Variants in PLEC observed in about 807,000 individuals in gnomAD.
The protein encoded by PLEC is plectin.
PLEC carries 216 observed loss-of-function variants against 392.8 expected under a neutral mutation model. The observed-to-expected ratio is 0.55, with a 90% CI of 0.49 to 0.62. PLEC has a LOEUF of 0.62. PLEC is among the 20% of genes least tolerant of loss of function. The probability of loss-of-function intolerance (pLI) is 0.00; values close to 1 mark genes in which losing one functional copy is unlikely to be tolerated. For missense variants in PLEC, 6,863 were observed against 6,563.4 expected, an observed-to-expected ratio of 1.05 and a Z score of -1.58; for synonymous variants, 3,621 against 2,980.6, an observed-to-expected ratio of 1.21 and a Z score of -7.00.
Position 143,921,270 on chromosome 8 carries a change from T to C in PLEC, c.8551A>G (p.Lys2851Glu), listed in dbSNP as rs1554684800. 6.2e-7 allele frequency: 1 copy of C among 1,614,034 alleles called. No homozygotes were observed. The highest frequency in any genetic ancestry group is 1.1e-5 in the South Asian group (1 of 91,076). Residue 2851 changes from lysine (K) to glutamate (E), a missense_variant, in exon 32 of 32, where the codon AAG becomes GAG. Transcript: ENST00000345136. Reference protein sequence around the residue: ...RVLADPSDDTKGFFDPNTHEN... With the variant: ...RVLADPSDDTEGFFDPNTHEN... ...TGCGTGTTGGGGTCAAAGAAGCCCT[T>C]GGTGTCGTCGCTGGGGTCCGCCAGG...
chr8:143,972,906 AGAGAAGG>A (rs1833502307), intron 1 of PLEC, among the ~76,000 whole-genome samples: 1 of 152,194 alleles, frequency 6.6e-6, no homozygotes, highest in African/African-American at 2.4e-5. Context: ...CCTAGTGAAC[AGAGAAGG>A]GGTGTGGGGG....
Position 143,933,362 on chromosome 8 carries a change from G to T in PLEC, c.1264-11C>A. 1 of 1,609,026 alleles carries T rather than the reference G, an allele frequency of 6.2e-7. No individual in the cohort carries two copies. ...CAGCAGCCGGACATCCTGCAAGGTC[G>T]TTGCCATGACTCGGAGCACAGCTGA... On this transcript the variant is annotated splice_polypyrimidine_tract_variant and intron_variant, in intron 12 of 31. Coordinates refer to ENST00000345136, the MANE Select transcript of PLEC (RefSeq NM_201384.3).
rs782281167 is a variant in PLEC at position 143,930,263 on chromosome 8, C to A, written c.2493G>T (p.Val831=). Residue 831 remains valine (V), a synonymous_variant, in exon 21 of 32, where the codon GTG becomes GTT. Coordinates refer to ENST00000345136, the MANE Select transcript of PLEC (RefSeq NM_201384.3). The part of the protein sequence containing the change: ...TVHKGDECQL[V]GPAQPSHWKV... ...TCCAGTGGGACGGCTGTGCAGGGCCCACCAGCTGGCACTCGTCACCCTTGT... is the reference window on the plus strand; with the variant it reads ...TCCAGTGGGACGGCTGTGCAGGGCCAACCAGCTGGCACTCGTCACCCTTGT... 2.5e-6 allele frequency: 4 copies of A among 1,601,816 alleles called. No homozygotes were observed. The Admixed American group carries it at 6.7e-5, about 27-fold the overall frequency.
In PLEC at chr8:143,924,562, C is replaced by A; in HGVS notation, c.5367G>T (p.Leu1789=). The A allele has an allele frequency of 1.3e-6, 2 of 1,548,192 alleles. No homozygotes were observed. Among genetic ancestry groups the A allele is most frequent in the African/African-American group, 2.7e-5 (2 of 73,332 alleles). Residue 1789 remains leucine, a synonymous_variant, in exon 31 of 32, where the codon CTG becomes CTT. Coordinates refer to ENST00000345136, the MANE Select transcript of PLEC (RefSeq NM_201384.3). ...CGCGGAACCGGCCGGCCTCGGCCTC[C>A]AGCCTCTGCTTGGACTTCTCGCTGG... ...RSTSEKSKQR[L]EAEAGRFREL...
Position 143,918,156 on chromosome 8 carries a change from G to A in PLEC, c.11665C>T (p.Arg3889Trp), listed in dbSNP as rs1286894043. 1.9e-6 allele frequency: 3 copies of A among 1,597,768 alleles called. No homozygotes were observed. Among genetic ancestry groups the A allele is most frequent in the Non-Finnish European group, 2.5e-6 (3 of 1,178,708 alleles). The change falls in exon 32 of 32, where the codon CGG becomes TGG. Residue 3889 changes from arginine to tryptophan, a missense_variant. Coordinates refer to ENST00000345136, the MANE Select transcript of PLEC (RefSeq NM_201384.3). ...DARKLTFRGL[R>W]KQITMEELVR... ...AGCTCCTCCATGGTGATCTGCTTCC[G>A]CAGGCCACGGAAGGTCAGCTTGCGG...
chr8:143,953,794 G>C (rs1554738237), upstream of PLEC: 1 of 1,611,558 alleles, frequency 6.2e-7, no homozygotes, highest in South Asian at 1.1e-5. Context: ...GCTGAGGGCG[G>C]CTGTGCCACC....
At chr8:143,940,286 GT>G (rs1209440843), upstream of PLEC, among the ~76,000 whole-genome samples, 3 of 152,228 alleles carry the variant, frequency 2.0e-5, no homozygotes, top group African/African-American at 7.2e-5. Context: ...TCGGAGGCGC[GT>G]AGCTGAGGGC....
chr8:143,966,732 C>T lies in PLEC; in HGVS notation c.70+6671G>A, dbSNP rs1364291724. On this transcript the variant is annotated intron_variant, in intron 1 of 31. Coordinates refer to the PLEC transcript ENST00000356346. ...CCACAGGACAGGGCAGGGCTCGGCT[C>T]GGGGGCACAGAAGTGAAGCAATACA... 5.9e-5 allele frequency among the ~76,000 whole-genome samples: 9 copies of T among 151,408 alleles called. No individual in the cohort carries two copies. In the East Asian group the frequency reaches 1.4e-3, roughly 23 times the overall value.
chr8:143,945,117 GA>G, intron 1 of PLEC: 1 of 411,310 alleles, frequency 2.4e-6, no homozygotes, highest in South Asian at 1.9e-5. Context: ...GCCAAGAGAA[GA>G]GGCCGCCCAT....
chr8:143,940,634 C>A (rs556160495), upstream of PLEC, among the ~76,000 whole-genome samples: 1 of 152,330 alleles, frequency 6.6e-6, no homozygotes, highest in Admixed American at 6.5e-5. Flanking sequence ...ATGCGCTGCC[C>A]CAACCACAAG....
chr8:143,954,293 C>T (rs1159832459), upstream of PLEC, among the ~76,000 whole-genome samples: 2 of 151,984 alleles, frequency 1.3e-5, no homozygotes, highest in African/African-American at 4.8e-5. This position sits in a 1 kb window ranked among gnomAD's most constrained non-coding sequence, Gnocchi z 4.6. Context: ...AGACCCTGGT[C>T]GGCCACCTCC....
intron 1 of PLEC, among the ~76,000 whole-genome samples, chr8:143,946,900 T>C (rs1437372239): frequency 6.6e-6 from 1 of 151,992 alleles, no homozygotes; most frequent in Admixed American, 6.6e-5. Flanking sequence ...TTCCTCCACC[T>C]GAGTCCTCCC....
upstream of PLEC, among the ~76,000 whole-genome samples, chr8:143,958,341 G>A (rs1389932251): frequency 6.6e-6 from 1 of 152,096 alleles, no homozygotes; most frequent in Non-Finnish European, 1.5e-5. This position sits in a 1 kb window ranked among gnomAD's most constrained non-coding sequence, Gnocchi z 4.9. Context: ...AGGCACAGAG[G>A]TCATCTCTCC....
At position 143,921,666 on chromosome 8, in the gene PLEC, G is replaced by A; in HGVS notation, c.8155C>T (p.Gln2719Ter). The change falls in exon 32 of 32, where the codon CAG becomes TAG. Residue 2719 changes from glutamine to a stop codon, truncating the protein, a stop_gained. Transcript: ENST00000345136. LOFTEE classifies it low-confidence loss of function (END_TRUNC). ...AGGGCCGTGCCGGGACTCAGCAGCT[G>A]CCTCTGCAGGGCGGCGTAAACACTC... Reference protein sequence around the residue: ...KLSVYAALQRQLLSPGTALIL... With the variant: ...KLSVYAALQR The A allele has an allele frequency of 6.2e-7, 1 of 1,613,184 alleles. No homozygotes were observed. The highest frequency in any genetic ancestry group is 8.5e-7 in the Non-Finnish European group (1 of 1,179,934).
rs782723243 is a variant in PLEC, at chr8:143,923,092, C to A, written c.6837G>T (p.Glu2279Asp). Residue 2279 changes from glutamate to aspartate, a missense_variant, in exon 31 of 32, where the codon GAG (glutamate) becomes GAT (aspartate). Physicochemically the swap from Glu to Asp is conservative, Grantham distance 45. Transcript: ENST00000345136. Reference sequence around the variant, plus strand: ...GGGCCGCCACACTCAGCCGCGCGGCCTCCTCCGCCACCTGCTTCATCTTCT... The same window carrying A: ...GGGCCGCCACACTCAGCCGCGCGGCATCCTCCGCCACCTGCTTCATCTTCT... The part of the protein sequence containing the change: ...EAEKMKQVAE[E>D]AARLSVAAQE... The A allele has an allele frequency of 5.6e-6, 9 of 1,607,074 alleles. 1 individual carries two copies. The African/African-American group carries it at 9.3e-5, about 17-fold the overall frequency.
upstream of PLEC, among the ~76,000 whole-genome samples, chr8:143,944,290 C>T (rs896552867): frequency 3.9e-5 from 6 of 152,196 alleles, no homozygotes; most frequent in African/African-American, 1.4e-4. Flanking sequence ...CACACCCTCC[C>T]TCCCTCCCAG....
At position 143,937,018 on chromosome 8, in the gene PLEC, C is replaced by G; in HGVS notation, c.396G>C (p.Leu132=). Residue 132 remains leucine, a synonymous_variant, in exon 5 of 32, where the codon CTG becomes CTC. Coordinates refer to ENST00000345136, the MANE Select transcript of PLEC (RefSeq NM_201384.3). Reference sequence around the variant, plus strand: ...TGATTGTCCAGATGAGGCCAAGGGTCAGCTTGGGGTTGCCGTCAGCGATGT... The same window carrying G: ...TGATTGTCCAGATGAGGCCAAGGGTGAGCTTGGGGTTGCCGTCAGCGATGT... ...NDDIADGNPK[L]TLGLIWTIIL... 1 of 1,613,120 alleles carries G rather than the reference C, an allele frequency of 6.2e-7. No individual in the cohort carries two copies. The highest frequency in any genetic ancestry group is 8.5e-7 in the Non-Finnish European group (1 of 1,179,812).
At chr8:143,945,892 C>T (rs961566202) in intron 1 of PLEC, among the ~76,000 whole-genome samples, 27 of 152,270 alleles carry the variant, frequency 1.8e-4, no homozygotes, top group South Asian at 4.1e-4. Flanking sequence ...CCACTCTGGG[C>T]GGCCAGGGGT....
chr8:143,966,459 G>A (rs1490974031), intron 1 of PLEC, among the ~76,000 whole-genome samples: 2 of 152,180 alleles, frequency 1.3e-5, no homozygotes, highest in Non-Finnish European at 2.9e-5. Context: ...CGCCCTCTCT[G>A]CCGCAGGCAC....
Sources: allele counts gnomAD v4.1 joint callset (sites outside exome capture counted in the v4.1 genomes callset), GRCh38; gene constraint gnomAD v4.1.1; non-coding constraint Gnocchi (gnomAD v3.1); transcripts MANE v1.5; gene names NCBI Gene and HGNC (gene_info 2026-07-23, HGNC 2026-07-21).